The following FAM120B variants were observed in gnomAD, a reference collection of about 807,000 sequenced individuals.
FAM120B encodes the protein constitutive coactivator of peroxisome proliferator-activated receptor gamma.
A neutral mutation model predicts 96.3 loss-of-function variants in FAM120B; 83 were observed. The ratio of observed to expected loss-of-function variants is 0.86; its 90% confidence interval spans 0.72 to 1.03. FAM120B has a LOEUF of 1.03. Ranked by LOEUF, FAM120B falls within the 50% of genes least tolerant of loss-of-function variation. The pLI is 0.00. For missense variants in FAM120B, 1,027 were observed against 1,121.2 expected, an observed-to-expected ratio of 0.92 and a Z score of 1.20; for synonymous variants, 407 against 402.7, an observed-to-expected ratio of 1.01 and a Z score of -0.13.
At chr6:170,374,324 A>C (rs185029164) in intron 6 of FAM120B, among the ~76,000 whole-genome samples, 1 of 152,314 alleles carries the variant, frequency 6.6e-6, no homozygotes, top group East Asian at 1.9e-4. Flanking sequence ...GTGAAATGGG[A>C]GCATGGAAAG....
chr6:170,331,757 A>C (rs1186215639), intron 4 of FAM120B, among the ~76,000 whole-genome samples: 1 of 152,236 alleles, frequency 6.6e-6, no homozygotes, highest in African/African-American at 2.4e-5. Context: ...ATAATGTTTT[A>C]ATAAATTCCA....
At chr6:170,361,242 A>ATATATATATATATAGATATACGTG (rs1374958889) in intron 6 of FAM120B, among the ~76,000 whole-genome samples, 2 of 130,048 alleles carry the variant, frequency 1.5e-5, no homozygotes, top group African/African-American at 6.5e-5. Flanking sequence ...ATATACACGT[A>ATATATATATATATAGATATACGTG]TATATATATA....
At chr6:170,292,497 G>A (rs1783907249), upstream of FAM120B, among the ~76,000 whole-genome samples, 1 of 152,158 alleles carries the variant, frequency 6.6e-6, no homozygotes, top group Non-Finnish European at 1.5e-5. The surrounding 1 kb of genome is among the most constrained non-coding windows in gnomAD (Gnocchi z 6.6). Flanking sequence ...TCAGCCCCAA[G>A]GAAGCAGCCT....
rs1785027455 is a variant in FAM120B at position 170,318,178 on chromosome 6, T to C, written c.788T>C (p.Ile263Thr). The C allele has an allele frequency of 3.7e-6, 6 of 1,614,074 alleles. No individual in the cohort carries two copies. Among genetic ancestry groups the C allele is most frequent in the African/African-American group, 1.3e-5 (1 of 74,932 alleles). ...GAGAACTTTGACAAAAAAGGTAACA[T>C]CATATTAGCTGTGTCAGACCATATA... ...VKENFDKKGN[I>T]ILAVSDHISK... is the part of the protein sequence containing the mutation. The change falls in exon 2 of 11, where the codon ATC (isoleucine) becomes ACC (threonine). Residue 263 changes from isoleucine (I) to threonine (T), a missense_variant. Physicochemically the swap from Ile to Thr is moderately conservative, Grantham distance 89 (BLOSUM62 -1). Transcript: ENST00000476287.
At chr6:170,341,801 G>A (rs985158215) in intron 4 of FAM120B, among the ~76,000 whole-genome samples, 1 of 152,152 alleles carries the variant, frequency 6.6e-6, no homozygotes, top group African/African-American at 2.4e-5. Flanking sequence ...CACCCTCCAT[G>A]GGCTGAACCA....
intron 8 of FAM120B, among the ~76,000 whole-genome samples, chr6:170,391,890 G>A (rs1449674613): frequency 6.6e-6 from 1 of 152,202 alleles, no homozygotes; most frequent in Non-Finnish European, 1.5e-5. Context: ...CATGCAGTTT[G>A]CATCCTGCTT....
chr6:170,363,985 A>G lies in FAM120B; in HGVS notation c.2283+5667A>G, dbSNP rs377118327. On this transcript the variant is annotated intron_variant, in intron 6 of 10. Coordinates refer to ENST00000476287, the MANE Select transcript of FAM120B (RefSeq NM_032448.3). The surrounding 1 kb of genome is among the most constrained non-coding windows in gnomAD (Gnocchi z 4.5). ...TGACCTTCAGTGATGGGCCTGCATC[A>G]GCCTCCCACAGTGCTGGGATTACAG... 6.6e-6 allele frequency among the ~76,000 whole-genome samples: 1 copy of G among 152,178 alleles called. No homozygotes were observed. Among genetic ancestry groups the G allele is most frequent in the African/African-American group, 2.4e-5 (1 of 41,450 alleles).
intron 4 of FAM120B, among the ~76,000 whole-genome samples, chr6:170,341,622 G>C (rs1786835007): frequency 1.3e-5 from 2 of 152,180 alleles, no homozygotes; most frequent in Non-Finnish European, 2.9e-5. Context: ...GGCCCTGGTG[G>C]TGTAGACACA....
At chr6:170,404,190 G>T (rs761179771) in intron 9 of FAM120B, 11 of 207,100 alleles carry the variant, frequency 5.3e-5, no homozygotes, top group Non-Finnish European at 8.6e-5. Context: ...AGCTGCACGT[G>T]GGCTTTTCTG....
intron 6 of FAM120B, among the ~76,000 whole-genome samples, chr6:170,374,403 G>C (rs919177001): frequency 6.6e-6 from 1 of 152,216 alleles, no homozygotes; most frequent in Non-Finnish European, 1.5e-5. Context: ...GGGTGAACTG[G>C]TGTGGACCCA....
intron 4 of FAM120B, among the ~76,000 whole-genome samples, chr6:170,335,271 T>C (rs1786338673): frequency 6.6e-6 from 1 of 150,644 alleles, no homozygotes; most frequent in African/African-American, 2.4e-5. Context: ...TGTGCTCTCA[T>C]TGTTCAACTC....
chr6:170,304,183 C>G (rs1346800163), upstream of FAM120B, among the ~76,000 whole-genome samples: 1 of 152,240 alleles, frequency 6.6e-6, no homozygotes, highest in Non-Finnish European at 1.5e-5. Flanking sequence ...TACCCACAAA[C>G]AGCTAATATA....
At chr6:170,295,042 AACC>A (rs1783964983), upstream of FAM120B, among the ~76,000 whole-genome samples, 1 of 152,328 alleles carries the variant, frequency 6.6e-6, no homozygotes, top group East Asian at 1.9e-4. This position sits in a 1 kb window ranked among gnomAD's most constrained non-coding sequence, Gnocchi z 7.8. Flanking sequence ...CATCTGCACC[AACC>A]ACCCTCTGCC....
At chr6:170,323,955 A>G (rs1427130104) in intron 3 of FAM120B, among the ~76,000 whole-genome samples, 1 of 152,208 alleles carries the variant, frequency 6.6e-6, no homozygotes, top group Non-Finnish European at 1.5e-5. Context: ...CTTCTATTTC[A>G]GTAAGGCCTT....
At chr6:170,356,268 C>T (rs1236068596) in intron 5 of FAM120B, among the ~76,000 whole-genome samples, 1 of 152,120 alleles carries the variant, frequency 6.6e-6, no homozygotes, top group Non-Finnish European at 1.5e-5. Flanking sequence ...GACTTGGTAA[C>T]TTGTCTTTAA....
Position 170,323,336 on chromosome 6 carries a change from G to A in FAM120B, c.1915+77G>A, listed in dbSNP as rs746620964. The A allele has an allele frequency of 4.6e-4, 567 of 1,232,888 alleles. 2 individuals are homozygous for A. Among genetic ancestry groups the A allele is most frequent in the Non-Finnish European group, 6.1e-4 (536 of 873,996 alleles). The allele number at this position is 1,232,888 out of a possible 1,614,324, so 76.4% of individuals were successfully genotyped here. On this transcript the variant is annotated intron_variant, in intron 3 of 10. Transcript: ENST00000476287. ...TGAGAAACTGGCCAGATGAAATAGAGTGCATTCTTTCAAGACATGGAGACA... is the reference window on the plus strand; with the variant it reads ...TGAGAAACTGGCCAGATGAAATAGAATGCATTCTTTCAAGACATGGAGACA...
At chr6:170,332,512 A>G (rs187297341) in intron 4 of FAM120B, among the ~76,000 whole-genome samples, 135 of 152,332 alleles carry the variant, frequency 8.9e-4, no homozygotes, top group Middle Eastern at 3.4e-3. Flanking sequence ...CGCCTGGCTA[A>G]CATGGTGAAA....
chr6:170,401,354 A>G (rs1778573720), intron 9 of FAM120B, among the ~76,000 whole-genome samples: 1 of 152,116 alleles, frequency 6.6e-6, no homozygotes, highest in Non-Finnish European at 1.5e-5. Flanking sequence ...GGGTGAGGAG[A>G]GAGCCCTCAG....
At chr6:170,339,108 A>G (rs1475232781) in intron 4 of FAM120B, among the ~76,000 whole-genome samples, 1 of 152,114 alleles carries the variant, frequency 6.6e-6, no homozygotes, top group Non-Finnish European at 1.5e-5. Flanking sequence ...CATAGTGTCA[A>G]TGGTCTTTAT....
Sources: gnomAD v4.1 joint callset for allele counts (sites outside exome capture counted in the v4.1 genomes callset) on GRCh38, gnomAD v4.1.1 for gene constraint, Gnocchi (gnomAD v3.1) non-coding constraint, MANE v1.5 for transcripts, NCBI Gene and HGNC (gene_info 2026-07-23, HGNC 2026-07-21) for gene names.